FAM186B: variants seen among roughly 807,000 people sequenced by gnomAD.
FAM186B encodes family with sequence similarity 186 member B.
Under a neutral mutation model 83.4 loss-of-function variants are expected in FAM186B, and 68 were observed. That is an observed-to-expected ratio of 0.81 (90% confidence interval 0.67 to 1.00). FAM186B has a LOEUF of 1.00. FAM186B is among the 50% of genes least tolerant of loss of function. The pLI, the probability that FAM186B is intolerant of heterozygous loss-of-function variation, is 0.00. For synonymous variants in FAM186B, 389 were observed against 422.0 expected (o/e 0.92, Z 0.96); for missense variants, 983 against 1,099.2 (o/e 0.89, Z 1.49).
At chr12:49,620,986 T>C in the FAM186B span, among the ~76,000 whole-genome samples, 1 of 152,130 alleles carries the variant, frequency 6.6e-6, no homozygotes, top group Non-Finnish European at 1.5e-5. Flanking sequence ...TTACATTCCA[T>C]GGTGATAACA....
chr12:49,589,448 G>C (rs188317844), intron 5 of FAM186B, among the ~76,000 whole-genome samples: 103 of 152,314 alleles, frequency 6.8e-4, no homozygotes, highest in African/African-American at 2.3e-3. Flanking sequence ...GAAGGAGTCT[G>C]GCAGGGAAAG....
chr12:49,597,889 G>A (rs551993562), intron 5 of FAM186B, among the ~76,000 whole-genome samples: 5 of 152,198 alleles, frequency 3.3e-5, no homozygotes, highest in Admixed American at 2.6e-4. Context: ...GTGAAACCCC[G>A]TCTCTACTAA....
chr12:49,595,209 G>A, intron 5 of FAM186B: 1 of 619,932 alleles, frequency 1.6e-6, no homozygotes. Flanking sequence ...GGCAAGCTGG[G>A]ATTAAGGTCA....
downstream of FAM186B, chr12:49,583,393 C>G (rs142351589): frequency 7.7e-6 from 2 of 259,680 alleles, no homozygotes; most frequent in Non-Finnish European, 1.5e-5. Context: ...TTATTTAGAG[C>G]GATACATTTA....
chr12:49,596,845 A>T (rs1021745813), intron 5 of FAM186B, among the ~76,000 whole-genome samples: 1 of 152,194 alleles, frequency 6.6e-6, no homozygotes, highest in Non-Finnish European at 1.5e-5. Flanking sequence ...TTGCAGTATT[A>T]CTCACAGTAG....
chr12:49,609,735 AAC>A (rs1940064833), upstream of FAM186B, among the ~76,000 whole-genome samples: 1 of 152,172 alleles, frequency 6.6e-6, no homozygotes, highest in Non-Finnish European at 1.5e-5. Flanking sequence ...AACAACTAGC[AAC>A]ACCTCTGGGC....
At chr12:49,584,313 T>C (rs928086569), downstream of FAM186B, 4 of 573,010 alleles carry the variant, frequency 7.0e-6, no homozygotes, top group Middle Eastern at 9.1e-4. Flanking sequence ...TATTAAAATG[T>C]AGAGTTTGGG....
intron 2 of FAM186B, 80 bp downstream of exon 2, chr12:49,604,233 G>T: frequency 9.3e-7 from 1 of 1,077,248 alleles, no homozygotes; most frequent in Non-Finnish European, 1.4e-6. Context: ...TGGAGAAGGG[G>T]ATGTGTCCTG....
At chr12:49,586,213 A>G (rs1412648501), downstream of FAM186B, among the ~76,000 whole-genome samples, 1 of 152,206 alleles carries the variant, frequency 6.6e-6, no homozygotes, top group Non-Finnish European at 1.5e-5. Flanking sequence ...AAGTGCCTTA[A>G]GCCTGAAACT....
chr12:49,610,983 G>A, the FAM186B span, among the ~76,000 whole-genome samples: 1 of 152,102 alleles, frequency 6.6e-6, no homozygotes, highest in East Asian at 1.9e-4. Context: ...GTTCATGCCT[G>A]TAATCCCAGC....
chr12:49,606,526 C>CACAA (rs1555205306), upstream of FAM186B, among the ~76,000 whole-genome samples: 1 of 150,188 alleles, frequency 6.7e-6, no homozygotes, highest in Admixed American at 6.7e-5. Context: ...CACACACACA[C>CACAA]AAACATACAG....
chr12:49,621,059 G>T, the FAM186B span, among the ~76,000 whole-genome samples: 2 of 152,102 alleles, frequency 1.3e-5, no homozygotes, highest in South Asian at 4.1e-4. Flanking sequence ...GAAAAGAAAA[G>T]CATAGAATAT....
At chr12:49,605,150 C>G in intron 1 of FAM186B, 1 of 1,358,962 alleles carries the variant, frequency 7.4e-7, no homozygotes, top group African/African-American at 1.5e-5. Flanking sequence ...AGCTTCCTGC[C>G]CCCTTCCCGG....
chr12:49,588,564 C>A lies in FAM186B; in HGVS notation c.2424G>T (p.Lys808Asn). Residue 808 changes from lysine (K) to asparagine (N), a missense_variant, in exon 6 of 7, where the codon AAG (lysine) becomes AAT (asparagine). Lys to Asn is a moderately conservative substitution (Grantham distance 94). Transcript: ENST00000257894. ...GTGAGGCTGCAGGCAACTTGCATTT[C>A]TTTGGCTTTGGCGAGGTGACCTCAG... Reference protein sequence around the residue: ...NIPEVTSPKPKKCKLPAASPR... With the variant: ...NIPEVTSPKPNKCKLPAASPR... 1 of 1,611,800 alleles carries A rather than the reference C, an allele frequency of 6.2e-7. No individual in the cohort carries two copies. The highest frequency in any genetic ancestry group is 8.5e-7 in the Non-Finnish European group (1 of 1,178,708).
At chr12:49,598,400 G>T (rs979029415) in intron 5 of FAM186B, among the ~76,000 whole-genome samples, 1 of 152,194 alleles carries the variant, frequency 6.6e-6, no homozygotes, top group South Asian at 2.1e-4. Flanking sequence ...AGCAAGGCAC[G>T]GAGAACCACA....
At chr12:49,593,037 T>C (rs1179378646) in intron 5 of FAM186B, 1 of 152,158 alleles carries the variant, frequency 6.6e-6, no homozygotes, top group Non-Finnish European at 1.5e-5. Context: ...GATTGACAGA[T>C]TGCATAAAAA....
the FAM186B span, among the ~76,000 whole-genome samples, chr12:49,620,855 A>G: frequency 1.3e-5 from 2 of 152,200 alleles, no homozygotes; most frequent in African/African-American, 2.4e-5. Context: ...AACGTTAAAC[A>G]TATTACCTAT....
rs374700997 is a variant in FAM186B, at chr12:49,600,355, A to G, written c.1285T>C (p.Trp429Arg). 58 of 1,613,928 alleles carry G rather than the reference A, an allele frequency of 3.6e-5. 1 individual carries two copies. Among genetic ancestry groups the G allele is most frequent in the Non-Finnish European group, 4.6e-5 (54 of 1,180,000 alleles). The change falls in exon 4 of 7, where the codon TGG becomes CGG. Residue 429 changes from tryptophan to arginine, a missense_variant. Transcript: ENST00000257894. The surrounding 1 kb of genome is among the most constrained non-coding windows in gnomAD (Gnocchi z 4.3). ...PLVDRRFPKKWERPVAESLGH... is the reference protein window; with the variant it reads ...PLVDRRFPKKRERPVAESLGH... Reference sequence around the variant, plus strand: ...AAGCTTTCTGCCACCGGTCTTTCCCATTTCTTAGGAAACCTGCGATCTACT... The same window carrying G: ...AAGCTTTCTGCCACCGGTCTTTCCCGTTTCTTAGGAAACCTGCGATCTACT...
intron 4 of FAM186B, 30 bp from the exon 5 acceptor site, chr12:49,598,977 G>A (rs781277978): frequency 3.7e-6 from 6 of 1,607,008 alleles, no homozygotes; most frequent in Non-Finnish European, 5.1e-6. Context: ...AATTTAGGGG[G>A]TGGAGAGGCC....
Sources: allele counts gnomAD v4.1 joint callset (sites outside exome capture counted in the v4.1 genomes callset), GRCh38; gene constraint gnomAD v4.1.1; non-coding constraint Gnocchi (gnomAD v3.1); transcripts MANE v1.5; gene names NCBI Gene and HGNC (gene_info 2026-07-23, HGNC 2026-07-21).